Variants in GRID2 observed in about 807,000 individuals in gnomAD.
The protein encoded by GRID2 is glutamate receptor ionotropic, delta-2.
Under a neutral mutation model 114.8 loss-of-function variants are expected in GRID2, and 33 were observed. The observed-to-expected ratio is 0.29, with a 90% CI of 0.22 to 0.38. GRID2 has a LOEUF of 0.38. Ranked by LOEUF, GRID2 falls within the 10% of genes least tolerant of loss-of-function variation. The probability of loss-of-function intolerance (pLI) is 1.00; values close to 1 mark genes in which losing one functional copy is unlikely to be tolerated. For synonymous variants in GRID2, 505 were observed against 449.9 expected (o/e 1.12, Z -1.55); for missense variants, 1,184 against 1,257.7 (o/e 0.94, Z 0.89).
At chr4:93,762,248 T>G (rs1733274308) in intron 14 of GRID2, among the ~76,000 whole-genome samples, 1 of 152,220 alleles carries the variant, frequency 6.6e-6, no homozygotes, top group Non-Finnish European at 1.5e-5. Context: ...AATTTCTTTC[T>G]CAGTGATAAC....
intron 2 of GRID2, among the ~76,000 whole-genome samples, chr4:93,039,347 T>G (rs1414667144): frequency 1.5e-4 from 23 of 151,996 alleles, no homozygotes; most frequent in Non-Finnish European, 1.5e-5. Context: ...AGGGATAGCA[T>G]TAGGAGAAAT....
intron 2 of GRID2, among the ~76,000 whole-genome samples, chr4:92,786,347 A>G (rs1263406706): frequency 2.0e-5 from 3 of 151,954 alleles, no homozygotes; most frequent in African/African-American, 7.2e-5. Context: ...ATTTATCGTG[A>G]TATCTGCTTT....
At chr4:92,987,603 A>T (rs1754589373) in intron 2 of GRID2, among the ~76,000 whole-genome samples, 1 of 152,086 alleles carries the variant, frequency 6.6e-6, no homozygotes, top group South Asian at 2.1e-4. Flanking sequence ...TTAAAAAAAA[A>T]TAAAAATAAG....
chr4:92,823,327 A>G (rs1429446371), intron 2 of GRID2, among the ~76,000 whole-genome samples: 8 of 152,198 alleles, frequency 5.3e-5, no homozygotes, highest in Non-Finnish European at 1.2e-4. Flanking sequence ...TTTAAAATAT[A>G]CAGAGCTTAT....
At chr4:92,676,180 T>G (rs1212565519) in intron 2 of GRID2, among the ~76,000 whole-genome samples, 3 of 109,710 alleles carry the variant, frequency 2.7e-5, no homozygotes, top group Non-Finnish European at 5.5e-5. Context: ...CTTTTTTTTT[T>G]GTGGTTGTTT....
intron 4 of GRID2, among the ~76,000 whole-genome samples, chr4:93,137,282 T>C (rs893885044): frequency 6.6e-6 from 1 of 152,142 alleles, no homozygotes. Flanking sequence ...GGGGAAAAAA[T>C]TAATGCAACA....
chr4:93,806,285 T>C (rs1735027515), intron 1 of GRID2, among the ~76,000 whole-genome samples: 1 of 152,224 alleles, frequency 6.6e-6, no homozygotes, highest in South Asian at 2.1e-4. Context: ...ATTCAAGATC[T>C]AAGCAAACAG....
intron 1 of GRID2, among the ~76,000 whole-genome samples, chr4:92,497,180 G>A (rs1043361162): frequency 3.3e-5 from 5 of 151,740 alleles, no homozygotes; most frequent in Non-Finnish European, 7.4e-5. Flanking sequence ...TCACTTTAAT[G>A]CTTCAAAATA....
At chr4:93,484,525 G>A (rs1300711526) in intron 11 of GRID2, among the ~76,000 whole-genome samples, 2 of 152,000 alleles carry the variant, frequency 1.3e-5, no homozygotes, top group South Asian at 2.1e-4. Context: ...CAGGAATTGA[G>A]GAGCCCCTCA....
chr4:93,448,891 TCCCTTC>T (rs1722399478), intron 10 of GRID2, among the ~76,000 whole-genome samples: 2 of 20,374 alleles, frequency 9.8e-5, no homozygotes, highest in African/African-American at 4.4e-4. Flanking sequence ...CCCCTTCCCT[TCCCTTC>T]CCCTTCCCTT....
intron 2 of GRID2, among the ~76,000 whole-genome samples, chr4:92,713,971 C>G (rs1735407146): frequency 1.3e-5 from 2 of 152,066 alleles, no homozygotes; most frequent in South Asian, 2.1e-4. Context: ...ATCATGCCTT[C>G]CCAACAGTCC....
intron 14 of GRID2, among the ~76,000 whole-genome samples, chr4:93,756,713 A>C (rs1287384971): frequency 6.6e-6 from 1 of 152,180 alleles, no homozygotes; most frequent in Non-Finnish European, 1.5e-5. Context: ...TCATCATATA[A>C]ACTTTGGAGG....
intron 2 of GRID2, among the ~76,000 whole-genome samples, chr4:92,726,590 C>T (rs1180151880): frequency 6.6e-6 from 1 of 151,932 alleles, no homozygotes; most frequent in Non-Finnish European, 1.5e-5. Flanking sequence ...TAAAATATTT[C>T]TTATTTTGAA....
intron 11 of GRID2, among the ~76,000 whole-genome samples, chr4:93,487,009 G>C (rs933908483): frequency 3.3e-5 from 5 of 151,720 alleles, no homozygotes; most frequent in Non-Finnish European, 7.4e-5. Context: ...ATCTTTGATA[G>C]TTACAAAACC....
chr4:93,456,158 C>T (rs1476223930), intron 11 of GRID2, among the ~76,000 whole-genome samples, 184 bp downstream of exon 11: 2 of 152,092 alleles, frequency 1.3e-5, no homozygotes, highest in Non-Finnish European at 2.9e-5. Context: ...ACCAAGTTTC[C>T]AGCAATAATG....
At chr4:93,230,501 A>G (rs1746002811) in intron 7 of GRID2, among the ~76,000 whole-genome samples, 1 of 152,172 alleles carries the variant, frequency 6.6e-6, no homozygotes, top group Non-Finnish European at 1.5e-5. Flanking sequence ...TTATTATATT[A>G]TGTAATTAAG....
intron 2 of GRID2, among the ~76,000 whole-genome samples, chr4:92,789,840 T>C (rs1254000599): frequency 6.6e-6 from 1 of 151,908 alleles, no homozygotes; most frequent in East Asian, 1.9e-4. Context: ...TACTGTGTGC[T>C]CATATTTGTT....
At chr4:93,627,370 TG>T (rs550471440) in intron 14 of GRID2, among the ~76,000 whole-genome samples, 166 of 152,162 alleles carry the variant, frequency 1.1e-3, no homozygotes, top group African/African-American at 3.9e-3. Context: ...TTTGTGTGTA[TG>T]TTTTTTTTTA....
intron 8 of GRID2, among the ~76,000 whole-genome samples, chr4:93,350,686 T>C (rs191526728): frequency 3.3e-5 from 5 of 151,950 alleles, no homozygotes; most frequent in African/African-American, 9.7e-5. Context: ...AACCCTAAGA[T>C]ATAGGGGCTA....
Sources: gnomAD v4.1 joint callset for allele counts (sites outside exome capture counted in the v4.1 genomes callset) on GRCh38, gnomAD v4.1.1 for gene constraint, MANE v1.5 for transcripts, NCBI Gene and HGNC (gene_info 2026-07-23, HGNC 2026-07-21) for gene names.